The following CDH20 variants were observed in gnomAD, a reference collection of about 807,000 sequenced individuals.
CDH20 encodes cadherin 20.
CDH20 carries 29 observed loss-of-function variants against 74.2 expected under a neutral mutation model. The ratio of observed to expected loss-of-function variants is 0.39; its 90% confidence interval spans 0.29 to 0.53. CDH20 has a LOEUF of 0.53. Among genes scored for constraint, CDH20 ranks in the 20% least tolerant of loss-of-function variants. The pLI is 0.69. For missense variants in CDH20, 988 were observed against 1,048.3 expected, an observed-to-expected ratio of 0.94 and a Z score of 0.79; for synonymous variants, 469 against 405.4, an observed-to-expected ratio of 1.16 and a Z score of -1.88.
intron 1 of CDH20, among the ~76,000 whole-genome samples, 163 bp downstream of exon 1, chr18:61,333,990 C>T (rs890590661): frequency 6.6e-6 from 1 of 152,154 alleles, no homozygotes; most frequent in African/African-American, 2.4e-5. Flanking sequence ...ACCGGCCGCT[C>T]CGAGTTCGAC....
rs78200214 is a variant in CDH20 at position 61,350,112 on chromosome 18, C to G, written c.-153+16285C>G. On this transcript the variant is annotated intron_variant, in intron 1 of 11. Transcript: ENST00000262717. ...TGCTCCTGCTTGTACAGTATATTAT[C>G]CTCCCACTAGGTCCCCTCTCTCCCT... is the stretch of plus-strand genomic sequence containing the variant. Among the ~76,000 whole-genome samples the G allele has an allele frequency of 9.7e-3, 1,468 of 152,034 alleles. 27 individuals carry two copies. The highest frequency in any genetic ancestry group is 0.034 in the African/African-American group (1,406 of 41,466).
At chr18:61,437,560 C>T (rs1198980717) in intron 1 of CDH20, among the ~76,000 whole-genome samples, 1 of 152,194 alleles carries the variant, frequency 6.6e-6, no homozygotes, top group Non-Finnish European at 1.5e-5. Context: ...ATAACTTCAA[C>T]ATTTCCCTGA....
chr18:61,472,694 A>T (rs1356354157), intron 1 of CDH20, among the ~76,000 whole-genome samples: 1 of 152,240 alleles, frequency 6.6e-6, no homozygotes, highest in African/African-American at 2.4e-5. Context: ...GAGCCAAACA[A>T]AGTGATCTGA....
intron 3 of CDH20, 121 bp downstream of exon 3, chr18:61,499,601 G>C (rs1911291648): frequency 1.2e-6 from 1 of 813,830 alleles, no homozygotes; most frequent in African/African-American, 1.7e-5. Context: ...GAGAGCATGA[G>C]AGGAGAAGCT....
At chr18:61,474,652 C>T (rs932159545) in intron 1 of CDH20, among the ~76,000 whole-genome samples, 3 of 152,128 alleles carry the variant, frequency 2.0e-5, no homozygotes, top group Admixed American at 1.3e-4. Context: ...AATAATTCAA[C>T]TCCAAGTTTT....
At chr18:61,375,689 C>T (rs910794049) in intron 1 of CDH20, among the ~76,000 whole-genome samples, 2 of 152,002 alleles carry the variant, frequency 1.3e-5, no homozygotes, top group Non-Finnish European at 2.9e-5. Context: ...CACCCATTAC[C>T]CCGTTCCCTC....
intron 1 of CDH20, among the ~76,000 whole-genome samples, chr18:61,436,629 C>G (rs1908849604): frequency 6.6e-6 from 1 of 152,114 alleles, no homozygotes. Context: ...TGAGAGTCAT[C>G]AGCGTAATAA....
chr18:61,353,005 A>T lies in CDH20; in HGVS notation c.-153+19178A>T, dbSNP rs1371431006. On this transcript the variant is annotated intron_variant, in intron 1 of 11. Transcript: ENST00000262717. The surrounding 1 kb of genome is among the most constrained non-coding windows in gnomAD (Gnocchi z 4.6). ...ATATAATAGCTCTTCAAACATATAA[A>T]CAAAGCCAACATGGTCTCCCAGTCA... 6.6e-6 allele frequency among the ~76,000 whole-genome samples: 1 copy of T among 152,158 alleles called. No individual in the cohort carries two copies. Among genetic ancestry groups the T allele is most frequent in the Non-Finnish European group, 1.5e-5 (1 of 68,028 alleles).
At chr18:61,549,228 T>C (rs978838205) in intron 10 of CDH20, among the ~76,000 whole-genome samples, 1 of 152,188 alleles carries the variant, frequency 6.6e-6, no homozygotes. Context: ...CACACACACA[T>C]ACACATCCCA....
At chr18:61,335,947 G>A (rs1424018957) in intron 1 of CDH20, among the ~76,000 whole-genome samples, 4 of 152,286 alleles carry the variant, frequency 2.6e-5, no homozygotes, top group Admixed American at 6.5e-5. Context: ...GAGAGTTGCC[G>A]GGAAATTTAA....
intron 1 of CDH20, among the ~76,000 whole-genome samples, chr18:61,390,995 A>G (rs1911763127): frequency 1.3e-5 from 2 of 152,210 alleles, no homozygotes; most frequent in Admixed American, 1.3e-4. Flanking sequence ...TGAAAAAAAT[A>G]TACATATGGT....
At chr18:61,410,050 T>C (rs961065306) in intron 1 of CDH20, among the ~76,000 whole-genome samples, 1 of 152,228 alleles carries the variant, frequency 6.6e-6, no homozygotes, top group African/African-American at 2.4e-5. Flanking sequence ...ATTCAGATAA[T>C]GAAAGTAAAT....
intron 6 of CDH20, among the ~76,000 whole-genome samples, chr18:61,511,133 T>C (rs924063581): frequency 3.0e-5 from 4 of 131,278 alleles, no homozygotes; most frequent in Admixed American, 9.6e-5. Context: ...ACTATAGGCA[T>C]GTGCCATCAC....
chr18:61,376,421 A>G (rs1030914659), intron 1 of CDH20, among the ~76,000 whole-genome samples: 5 of 152,144 alleles, frequency 3.3e-5, no homozygotes, highest in South Asian at 2.1e-4. Flanking sequence ...ATTATCTAAG[A>G]GAGATTTCTA....
intron 1 of CDH20, among the ~76,000 whole-genome samples, chr18:61,398,643 T>A (rs542843281): frequency 6.6e-6 from 1 of 152,180 alleles, no homozygotes; most frequent in Non-Finnish European, 1.5e-5. Context: ...GTCTCCCCTA[T>A]CTACAGAGCA....
intron 7 of CDH20, among the ~76,000 whole-genome samples, chr18:61,529,593 C>T (rs891359423): frequency 6.6e-6 from 1 of 152,096 alleles, no homozygotes; most frequent in African/African-American, 2.4e-5. Flanking sequence ...GATTAGTCAA[C>T]CATATTATCC....
chr18:61,375,533 G>A (rs1568116265), intron 1 of CDH20, among the ~76,000 whole-genome samples: 1 of 152,114 alleles, frequency 6.6e-6, no homozygotes, highest in East Asian at 1.9e-4. Flanking sequence ...CCATCTCACA[G>A]ACTTCCTGTA....
intron 1 of CDH20, among the ~76,000 whole-genome samples, chr18:61,446,278 A>G (rs1909201726): frequency 6.6e-6 from 1 of 152,112 alleles, no homozygotes; most frequent in South Asian, 2.1e-4. Flanking sequence ...CTGCTCAACT[A>G]TTCATAAAAA....
At chr18:61,482,722 T>G (rs999611704) in intron 1 of CDH20, among the ~76,000 whole-genome samples, 3 of 3,002 alleles carry the variant, frequency 1.0e-3, no homozygotes, top group African/African-American at 1.2e-3. Context: ...CTTCAACTCC[T>G]AACCATAAGC....
Sources: gnomAD v4.1 joint callset for allele counts (sites outside exome capture counted in the v4.1 genomes callset) on GRCh38, gnomAD v4.1.1 for gene constraint, Gnocchi (gnomAD v3.1) non-coding constraint, MANE v1.5 for transcripts, NCBI Gene and HGNC (gene_info 2026-07-23, HGNC 2026-07-21) for gene names.